Variants in VWDE observed in about 807,000 individuals in gnomAD.
VWDE encodes the protein von Willebrand factor D and EGF domains, also known as von Willebrand factor D and EGF domain-containing protein.
VWDE carries 207 observed loss-of-function variants against 178.4 expected under a neutral mutation model. The observed-to-expected ratio is 1.16, with a 90% CI of 1.04 to 1.30. The LOEUF is 1.30. Ranked by LOEUF, VWDE falls within the 50% of genes most tolerant of loss-of-function variation. The pLI, the probability that VWDE is intolerant of heterozygous loss-of-function variation, is 0.00. For synonymous variants in VWDE, 738 were observed against 651.4 expected (o/e 1.13, Z -2.02); for missense variants, 2,287 against 1,901.3 (o/e 1.20, Z -3.77).
chr7:12,373,856 A>G (rs897955723), intron 9 of VWDE, among the ~76,000 whole-genome samples: 2 of 152,032 alleles, frequency 1.3e-5, no homozygotes, highest in Non-Finnish European at 2.9e-5. Flanking sequence ...TTTTCCACTA[A>G]AATGTCTAAG....
intron 1 of VWDE, among the ~76,000 whole-genome samples, chr7:12,397,405 A>G (rs888032989): frequency 2.6e-5 from 4 of 152,212 alleles, no homozygotes; most frequent in Non-Finnish European, 5.9e-5. Context: ...TTTTCACCAT[A>G]TGCAAAAATT....
chr7:12,343,026 A>T (rs963528561), intron 22 of VWDE, 57 bp downstream of exon 22: 1 of 1,302,344 alleles, frequency 7.7e-7, no homozygotes, highest in Non-Finnish European at 1.1e-6. Context: ...CATTAAGGCC[A>T]TCAACTATTC....
chr7:12,375,004 G>A lies in VWDE; in HGVS notation c.1242+6C>T, dbSNP rs937478179. The A allele has an allele frequency of 3.2e-6, 5 of 1,549,548 alleles. No homozygotes were observed. The highest frequency in any genetic ancestry group is 2.4e-5 in the East Asian group (1 of 40,904). On this transcript the variant is annotated splice_donor_region_variant and intron_variant, in intron 8 of 28. Transcript: ENST00000275358. ...ACTTGCAGTATTAGTGTTGTAATTT[G>A]TCAACCTGGATGCTGTCTGGAATGT...
chr7:12,400,555 C>T (rs1169559006), intron 1 of VWDE, among the ~76,000 whole-genome samples: 1 of 151,976 alleles, frequency 6.6e-6, no homozygotes, highest in Non-Finnish European at 1.5e-5. Flanking sequence ...TCAAATCAGT[C>T]AAAAAACTAC....
At chr7:12,336,906 GA>G (rs1287484114) in intron 26 of VWDE, 81 bp downstream of exon 26, 8 of 1,328,184 alleles carry the variant, frequency 6.0e-6, no homozygotes, top group African/African-American at 1.5e-5. Flanking sequence ...AAACAAAAGT[GA>G]AAAAAATGCT....
At chr7:12,359,754 AT>A (rs1249098910) in intron 15 of VWDE, 62 bp from the exon 16 acceptor site, 2 of 1,000,578 alleles carry the variant, frequency 2.0e-6, no homozygotes, top group African/African-American at 1.7e-5. Context: ...AAAAAAGTAC[AT>A]AGAAGGATGG....
At chr7:12,333,325 AT>A (rs1780833928) in intron 28 of VWDE, 139 bp downstream of exon 28, 13 of 606,784 alleles carry the variant, frequency 2.1e-5, no homozygotes, top group Non-Finnish European at 3.3e-5. Flanking sequence ...AAATGATACA[AT>A]TTTTAATTTT....
Position 12,370,797 on chromosome 7 carries a change from C to G in VWDE, c.1655G>C (p.Arg552Thr), listed in dbSNP as rs1188199883. ...GTTTCTGTAATCTACACTAGGGGCT[C>G]TGATCGTTAGACTCATGCCCCATTC... Reference protein sequence around the residue: ...LGEWGMSLTIRAPSVDYRNTL... With the variant: ...LGEWGMSLTITAPSVDYRNTL... Residue 552 changes from arginine (R) to threonine (T), a missense_variant, in exon 11 of 29, where the codon AGA (arginine) becomes ACA (threonine). Transcript: ENST00000275358. The G allele has an allele frequency of 3.9e-6, 6 of 1,551,038 alleles. No homozygotes were observed. The African/African-American group carries it at 5.5e-5, about 14-fold the overall frequency.
Position 12,369,659 on chromosome 7 carries a change from C to G in VWDE, c.2647G>C (p.Asp883His), listed in dbSNP as rs1290187186. The G allele has an allele frequency of 6.4e-7, 1 of 1,551,686 alleles. No homozygotes were observed. Among genetic ancestry groups the G allele is most frequent in the South Asian group, 1.2e-5 (1 of 84,056 alleles). The part of the protein sequence containing the change: ...NTEEYGTSIE[D>H]ILSVLKCPNL... The stretch of plus-strand genomic sequence containing the variant: ...GGGCATTTTAATACTGAGAGAATGT[C>G]TTCAATTGATGTGCCATACTCTTCT... Residue 883 changes from aspartate (D) to histidine (H), a missense_variant, in exon 12 of 29, where the codon GAC becomes CAC. Asp to His is a moderately conservative substitution (Grantham distance 81, BLOSUM62 -1). Coordinates refer to ENST00000275358, the MANE Select transcript of VWDE (RefSeq NM_001135924.3).
chr7:12,396,370 T>C (rs550358276), intron 1 of VWDE, among the ~76,000 whole-genome samples: 1 of 152,278 alleles, frequency 6.6e-6, no homozygotes, highest in African/African-American at 2.4e-5. Context: ...TAACCCTTGG[T>C]GACAGGTACT....
At chr7:12,354,915 A>G (rs1416909837) in intron 18 of VWDE, among the ~76,000 whole-genome samples, 1 of 151,958 alleles carries the variant, frequency 6.6e-6, no homozygotes, top group African/African-American at 2.4e-5. Context: ...TTGTGTTAGG[A>G]AAGTCAGTCC....
In VWDE at chr7:12,357,380, C is replaced by G. The variant is rs1295841088; in HGVS notation, c.3410G>C (p.Gly1137Ala). Residue 1137 changes from glycine to alanine, a missense_variant, in exon 17 of 29, where the codon GGG becomes GCG. Transcript: ENST00000275358. The stretch of plus-strand genomic sequence containing the variant: ...AAGCCCTGCAGAGGAAACACTTGCC[C>G]CTTCAGGACCAGAGTCCAACGTAAA... Reference protein sequence around the residue: ...IHFTLDSGPEGASVSSAGLFM... With the variant: ...IHFTLDSGPEAASVSSAGLFM... The G allele has an allele frequency of 7.1e-6, 11 of 1,551,858 alleles. No homozygotes were observed. The highest frequency in any genetic ancestry group is 9.6e-6 in the Non-Finnish European group (11 of 1,147,024).
intron 19 of VWDE, 110 bp downstream of exon 19, chr7:12,351,463 A>T: frequency 1.7e-6 from 2 of 1,161,766 alleles, no homozygotes; most frequent in Non-Finnish European, 2.4e-6. Flanking sequence ...TATAACCTTT[A>T]GGTGATCTTT....
chr7:12,338,331 G>A (rs1216883773), intron 24 of VWDE, among the ~76,000 whole-genome samples: 2 of 151,334 alleles, frequency 1.3e-5, no homozygotes, highest in Non-Finnish European at 3.0e-5. Flanking sequence ...ACTTTTTATT[G>A]GTAGAGAAAT....
chr7:12,369,710 T>C lies in VWDE; in HGVS notation c.2596A>G (p.Ile866Val), dbSNP rs1349721014. 2.6e-6 allele frequency: 4 copies of C among 1,551,488 alleles called. No individual in the cohort carries two copies. The African/African-American group carries it at 5.5e-5, about 21-fold the overall frequency. ...ALLENECEKR[I>V]VEEGKYNTEE... ...GTGTTATATTTCCCCTCCTCCACAA[T>C]CCTCTTTTCACATTCATTTTCTAAA... Residue 866 changes from isoleucine to valine, a missense_variant, in exon 12 of 29, where the codon ATT becomes GTT. Transcript: ENST00000275358.
chr7:12,350,288 T>G (rs1781857173), intron 19 of VWDE, among the ~76,000 whole-genome samples: 1 of 151,910 alleles, frequency 6.6e-6, no homozygotes, highest in African/African-American at 2.4e-5. Context: ...ACACATAATA[T>G]GGAAAATATA....
intron 5 of VWDE, 136 bp downstream of exon 5, chr7:12,380,350 G>T: frequency 8.9e-7 from 1 of 1,126,876 alleles, no homozygotes; most frequent in Non-Finnish European, 1.2e-6. Context: ...CAATTGCAAG[G>T]AAAAAAAAAC....
chr7:12,384,748 G>A (rs1784017324), intron 3 of VWDE, among the ~76,000 whole-genome samples: 1 of 152,098 alleles, frequency 6.6e-6, no homozygotes, highest in Non-Finnish European at 1.5e-5. Flanking sequence ...GCCAAGGACA[G>A]AGATGGTAAT....
At chr7:12,387,861 C>T (rs796475809) in intron 3 of VWDE, among the ~76,000 whole-genome samples, 2 of 151,632 alleles carry the variant, frequency 1.3e-5, no homozygotes, top group African/African-American at 4.8e-5. Flanking sequence ...ACCCAGGTAA[C>T]TAAATTGGGG....
Sources: allele counts gnomAD v4.1 joint callset (sites outside exome capture counted in the v4.1 genomes callset), GRCh38; gene constraint gnomAD v4.1.1; transcripts MANE v1.5; gene names NCBI Gene and HGNC (gene_info 2026-07-23, HGNC 2026-07-21).